ERC2: variants seen among roughly 807,000 people sequenced by gnomAD.
The protein encoded by ERC2 is ELKS/RAB6-interacting/CAST family member 2, also known as ERC protein 2.
In ERC2, 42 loss-of-function variants were observed where a neutral mutation model predicts 114.8. The observed-to-expected ratio is 0.37, with a 90% confidence interval of 0.29 to 0.47. The LOEUF is 0.47. Among genes scored for constraint, ERC2 ranks in the 20% least tolerant of loss-of-function variants. The pLI is 0.99. For synonymous variants in ERC2, 454 were observed against 425.5 expected (o/e 1.07, Z -0.82); for missense variants, 939 against 1,150.7 (o/e 0.82, Z 2.66).
At chr3:55,983,075 G>C (rs1366370213) in intron 12 of ERC2, among the ~76,000 whole-genome samples, 1 of 152,194 alleles carries the variant, frequency 6.6e-6, no homozygotes, top group African/African-American at 2.4e-5. Context: ...GTGCAGGCAG[G>C]ATCCCAGAAG....
intron 6 of ERC2, among the ~76,000 whole-genome samples, chr3:56,104,613 G>A (rs1388947436): frequency 1.4e-5 from 2 of 146,408 alleles, no homozygotes; most frequent in African/African-American, 5.1e-5. Context: ...GACAGGACTA[G>A]GACACATTCT....
At chr3:55,520,093 C>T (rs1336727565) in intron 17 of ERC2, among the ~76,000 whole-genome samples, 1 of 150,658 alleles carries the variant, frequency 6.6e-6, no homozygotes, top group South Asian at 2.1e-4. Flanking sequence ...TTAGACAAAA[C>T]CTTGCACCCT....
chr3:56,446,447 T>C (rs1218698781), intron 1 of ERC2, among the ~76,000 whole-genome samples: 1 of 151,938 alleles, frequency 6.6e-6, no homozygotes, highest in Admixed American at 6.6e-5. Context: ...TTGTAACTCA[T>C]GAGGAAGGCT....
intron 14 of ERC2, among the ~76,000 whole-genome samples, chr3:55,882,031 C>A (rs1239432417): frequency 2.0e-5 from 3 of 152,122 alleles, no homozygotes; most frequent in African/African-American, 7.2e-5. Flanking sequence ...ATATTTGTCC[C>A]CTCCAAAACT....
At chr3:56,263,764 T>C (rs543891438) in intron 3 of ERC2, among the ~76,000 whole-genome samples, 2 of 152,284 alleles carry the variant, frequency 1.3e-5, no homozygotes, top group Admixed American at 6.5e-5. Context: ...TCTTCTTAAA[T>C]TCTTTCAAAA....
chr3:56,456,199 G>A (rs912606257), intron 1 of ERC2, among the ~76,000 whole-genome samples: 2 of 152,212 alleles, frequency 1.3e-5, no homozygotes, highest in Non-Finnish European at 2.9e-5. Context: ...AATTCCCAGT[G>A]AGGTGAATCC....
At chr3:55,896,636 C>T (rs1189956389) in intron 13 of ERC2, among the ~76,000 whole-genome samples, 4 of 152,156 alleles carry the variant, frequency 2.6e-5, no homozygotes, top group Admixed American at 2.6e-4. Flanking sequence ...TCACAGCCAC[C>T]TCAGAAGTCT....
chr3:56,010,425 G>A, intron 9 of ERC2, 24 bp downstream of exon 9: 1 of 1,610,296 alleles, frequency 6.2e-7, no homozygotes, highest in Non-Finnish European at 8.5e-7. Context: ...TATCAATGTG[G>A]TTCATTTGTT....
intron 14 of ERC2, among the ~76,000 whole-genome samples, chr3:55,856,016 C>T (rs144096258): frequency 6.6e-6 from 1 of 152,284 alleles, no homozygotes; most frequent in African/African-American, 2.4e-5. Flanking sequence ...AACACTGAGC[C>T]TCTGAGAAAG....
At chr3:56,182,666 GA>G (rs1174318928) in intron 3 of ERC2, among the ~76,000 whole-genome samples, 1 of 152,126 alleles carries the variant, frequency 6.6e-6, no homozygotes, top group African/African-American at 2.4e-5. Flanking sequence ...CTGTACTGCA[GA>G]AATTTATCCC....
intron 8 of ERC2, among the ~76,000 whole-genome samples, chr3:56,012,537 G>A (rs1357874805): frequency 6.6e-6 from 1 of 152,120 alleles, no homozygotes; most frequent in African/African-American, 2.4e-5. Flanking sequence ...AGGAAGGAAG[G>A]AGAACTCAAT....
At chr3:55,572,658 T>C (rs2056778251) in intron 17 of ERC2, among the ~76,000 whole-genome samples, 1 of 152,166 alleles carries the variant, frequency 6.6e-6, no homozygotes, top group Non-Finnish European at 1.5e-5. Context: ...TGACTGGGGC[T>C]GGGGGACTTG....
intron 6 of ERC2, among the ~76,000 whole-genome samples, chr3:56,100,849 G>T (rs139490932): frequency 1.8e-3 from 267 of 152,194 alleles, no homozygotes; most frequent in African/African-American, 6.2e-3. Flanking sequence ...TAAGCTCTTG[G>T]TTATTTCATG....
At chr3:55,727,989 A>G (rs547859811) in intron 15 of ERC2, among the ~76,000 whole-genome samples, 2 of 152,226 alleles carry the variant, frequency 1.3e-5, no homozygotes, top group Non-Finnish European at 2.9e-5. Flanking sequence ...AGCCCTACAG[A>G]CTGGTGGTGG....
chr3:56,198,911 G>A (rs1296859549), intron 3 of ERC2, among the ~76,000 whole-genome samples: 1 of 152,208 alleles, frequency 6.6e-6, no homozygotes, highest in African/African-American at 2.4e-5. Flanking sequence ...TACCACAGAA[G>A]TGGCGAATAG....
At chr3:55,848,738 A>C (rs1169827742) in intron 14 of ERC2, among the ~76,000 whole-genome samples, 1 of 152,206 alleles carries the variant, frequency 6.6e-6, no homozygotes, top group Non-Finnish European at 1.5e-5. Flanking sequence ...CTGATTGTGG[A>C]AACTGATTAT....
intron 5 of ERC2, among the ~76,000 whole-genome samples, chr3:56,146,107 T>C (rs2149938659): frequency 6.6e-6 from 1 of 151,996 alleles, no homozygotes; most frequent in South Asian, 2.1e-4. Flanking sequence ...ACCAACATGG[T>C]GAAACCCCAT....
At chr3:55,838,460 C>G (rs1199008938) in intron 14 of ERC2, among the ~76,000 whole-genome samples, 1 of 151,944 alleles carries the variant, frequency 6.6e-6, no homozygotes, top group Non-Finnish European at 1.5e-5. Context: ...ATATAATCCA[C>G]AGGCTAAAAA....
chr3:55,887,272 T>A (rs1362492309), intron 14 of ERC2, among the ~76,000 whole-genome samples: 1 of 152,220 alleles, frequency 6.6e-6, no homozygotes, highest in Non-Finnish European at 1.5e-5. Context: ...AAACCCTATT[T>A]ATTCTTTGGT....
Sources: allele counts gnomAD v4.1 joint callset (sites outside exome capture counted in the v4.1 genomes callset), GRCh38; gene constraint gnomAD v4.1.1; transcripts MANE v1.5; gene names NCBI Gene and HGNC (gene_info 2026-07-23, HGNC 2026-07-21).